The following CHD6 variants were observed in gnomAD, a reference collection of about 807,000 sequenced individuals.
CHD6 encodes chromodomain helicase DNA binding protein 6.
In CHD6, 50 loss-of-function variants were observed where a neutral mutation model predicts 276.9. That is an observed-to-expected ratio of 0.18 (90% CI 0.14 to 0.23). CHD6 has a LOEUF of 0.23. CHD6 is among the 10% of genes least tolerant of loss of function. The pLI is 1.00. For synonymous variants in CHD6, 1,173 were observed against 1,229.3 expected (o/e 0.95, Z 0.96); for missense variants, 2,564 against 3,365.8 (o/e 0.76, Z 5.89).
At chr20:41,618,165 G>T (rs868099901) in intron 1 of CHD6, among the ~76,000 whole-genome samples, 175 bp downstream of exon 1, 1 of 150,508 alleles carries the variant, frequency 6.6e-6, no homozygotes, top group Non-Finnish European at 1.5e-5. Context: ...CCGCCCGCCC[G>T]CCGGCCCCGC....
chr20:41,547,545 G>A (rs928793216), intron 2 of CHD6: 3 of 478,880 alleles, frequency 6.3e-6, no homozygotes, highest in African/African-American at 5.9e-5. Context: ...TCCCAAAAAG[G>A]TTGATGATGA....
chr20:41,455,960 AT>A lies in CHD6; in HGVS notation c.2848del (p.Met950TrpfsTer15). 2 of 1,582,180 alleles carry A rather than the reference AT, an allele frequency of 1.3e-6. No homozygotes were observed. Among genetic ancestry groups the A allele is most frequent in the Non-Finnish European group, 8.6e-7 (1 of 1,165,332 alleles). On this transcript the variant is annotated frameshift_variant, in exon 19 of 37. Transcript: ENST00000373233. LOFTEE classifies it high-confidence loss of function. ...GTNGVQQLSK[M>X]EVEDLLRKGA... ...TTTCCGGAGTAGGTCCTCCACCTCC[AT>A]TTTTGAGAGCTGCTGTACCTGGACA... is the stretch of plus-strand genomic sequence containing the variant.
chr20:41,599,575 C>T (rs1324829903), intron 1 of CHD6, among the ~76,000 whole-genome samples: 1 of 152,214 alleles, frequency 6.6e-6, no homozygotes, highest in Non-Finnish European at 1.5e-5. Flanking sequence ...CCTCCCTACT[C>T]GGATAAGTTC....
At chr20:41,504,819 T>C (rs939268481) in intron 5 of CHD6, among the ~76,000 whole-genome samples, 2 of 152,264 alleles carry the variant, frequency 1.3e-5, no homozygotes, top group East Asian at 3.8e-4. Flanking sequence ...GATTATTCTC[T>C]TAATTTTTAG....
intron 1 of CHD6, among the ~76,000 whole-genome samples, chr20:41,596,686 C>T (rs1266265597): frequency 6.6e-6 from 1 of 151,668 alleles, no homozygotes; most frequent in Non-Finnish European, 1.5e-5. Context: ...ATTTAATATA[C>T]AGCAGGGAAA....
At chr20:41,506,049 T>C (rs2043968396) in intron 5 of CHD6, among the ~76,000 whole-genome samples, 2 of 152,136 alleles carry the variant, frequency 1.3e-5, no homozygotes, top group South Asian at 2.1e-4. Flanking sequence ...AGAAATCTTG[T>C]TGGCTCTATC....
At chr20:41,602,842 G>A (rs994862709) in intron 1 of CHD6, among the ~76,000 whole-genome samples, 8 of 151,886 alleles carry the variant, frequency 5.3e-5, no homozygotes, top group African/African-American at 1.7e-4. Context: ...CCACCACACC[G>A]GGCTAATTTT....
intron 36 of CHD6, among the ~76,000 whole-genome samples, chr20:41,410,679 T>A (rs2046815696): frequency 6.6e-6 from 1 of 152,170 alleles, no homozygotes; most frequent in Non-Finnish European, 1.5e-5. Context: ...GGGAAGAGGC[T>A]GGCTTGCAAG....
chr20:41,531,903 G>C (rs964918201), intron 3 of CHD6, among the ~76,000 whole-genome samples: 5 of 152,134 alleles, frequency 3.3e-5, no homozygotes, highest in Non-Finnish European at 7.4e-5. Flanking sequence ...TGTTTTGTTA[G>C]TATCCACATC....
chr20:41,459,056 G>GT (rs1035743992), intron 17 of CHD6, among the ~76,000 whole-genome samples: 2 of 152,128 alleles, frequency 1.3e-5, no homozygotes, highest in Non-Finnish European at 2.9e-5. Flanking sequence ...AGGCCAGGCT[G>GT]TTTGAGTTGG....
At chr20:41,554,439 G>A (rs1196047138) in intron 1 of CHD6, among the ~76,000 whole-genome samples, 3 of 151,572 alleles carry the variant, frequency 2.0e-5, no homozygotes, top group Admixed American at 2.0e-4. Flanking sequence ...TTCTCGCAGA[G>A]GGGGATTTGG....
At position 41,483,208 on chromosome 20, in the gene CHD6, G is replaced by A. The variant is rs939318821; in HGVS notation, c.2468+101C>T. 1.1e-5 allele frequency: 11 copies of A among 1,027,562 alleles called. No homozygotes were observed. In the African/African-American group the frequency reaches 1.6e-4, roughly 15 times the overall value. 63.7% of individuals were successfully genotyped at this position (1,027,562 alleles called of 1,614,324 possible). On this transcript the variant is annotated intron_variant, in intron 16 of 36. Transcript: ENST00000373233. ...AAGGAGATTCCTTTCCTCCGTTTTT[G>A]AATGTTTTGTGTTTAAACAAAATTT...
chr20:41,512,841 C>T lies in CHD6; in HGVS notation c.852+5G>A, dbSNP rs1367962370. 1 of 1,613,916 alleles carries T rather than the reference C, an allele frequency of 6.2e-7. No homozygotes were observed. The highest frequency in any genetic ancestry group is 1.3e-5 in the African/African-American group (1 of 75,030). ...AAGGTCAGTAACCTCATGCAAAGGC[C>T]ATACCTCCGCCTGCCAGGCCAGTGT... On this transcript the variant is annotated splice_donor_5th_base_variant and intron_variant, in intron 5 of 36. Coordinates refer to ENST00000373233, the MANE Select transcript of CHD6 (RefSeq NM_032221.5).
At chr20:41,548,201 A>T (rs1196433818) in intron 2 of CHD6, among the ~76,000 whole-genome samples, 4 of 152,202 alleles carry the variant, frequency 2.6e-5, no homozygotes, top group Non-Finnish European at 5.9e-5. Context: ...TATTTATAAG[A>T]GGAGCAGGAT....
chr20:41,506,291 A>G (rs1481068265), intron 5 of CHD6, among the ~76,000 whole-genome samples: 1 of 152,174 alleles, frequency 6.6e-6, no homozygotes, highest in Non-Finnish European at 1.5e-5. Flanking sequence ...AAGTAAAACT[A>G]AACATCTTCC....
intron 1 of CHD6, among the ~76,000 whole-genome samples, chr20:41,604,894 G>A (rs1200110498): frequency 1.3e-5 from 2 of 152,122 alleles, no homozygotes; most frequent in Non-Finnish European, 2.9e-5. Flanking sequence ...ATACAATGCA[G>A]GATCCTTGAC....
At chr20:41,479,543 A>G (rs1003872909) in intron 16 of CHD6, among the ~76,000 whole-genome samples, 1 of 152,142 alleles carries the variant, frequency 6.6e-6, no homozygotes, top group Non-Finnish European at 1.5e-5. Flanking sequence ...GAAAAGGAAA[A>G]AAAAGTGAAC....
chr20:41,583,661 T>C (rs1309979408), intron 1 of CHD6, among the ~76,000 whole-genome samples: 1 of 152,124 alleles, frequency 6.6e-6, no homozygotes, highest in African/African-American at 2.4e-5. Flanking sequence ...TTCTGAAAGA[T>C]AACTGCCTAA....
intron 1 of CHD6, among the ~76,000 whole-genome samples, chr20:41,611,574 A>C (rs1301343248): frequency 6.6e-6 from 1 of 152,134 alleles, no homozygotes. Flanking sequence ...GACTCCTGGG[A>C]ACCCTAGGTG....
Sources: gnomAD v4.1 joint callset for allele counts (sites outside exome capture counted in the v4.1 genomes callset) on GRCh38, gnomAD v4.1.1 for gene constraint, MANE v1.5 for transcripts, NCBI Gene and HGNC (gene_info 2026-07-23, HGNC 2026-07-21) for gene names.